Variants in RNGTT observed in about 807,000 individuals in gnomAD.
RNGTT encodes mRNA-capping enzyme.
A neutral mutation model predicts 79.3 loss-of-function variants in RNGTT; 33 were observed. That is an observed-to-expected ratio of 0.42 (90% CI 0.32 to 0.56). The LOEUF (loss-of-function observed/expected upper bound fraction) is 0.56, where lower values mean the gene tolerates loss of function less well. Among genes scored for constraint, RNGTT ranks in the 20% least tolerant of loss-of-function variants. The pLI is 0.17. For missense variants in RNGTT, 497 were observed against 739.1 expected, an observed-to-expected ratio of 0.67 and a Z score of 3.80; for synonymous variants, 222 against 235.9, an observed-to-expected ratio of 0.94 and a Z score of 0.54.
intron 11 of RNGTT, among the ~76,000 whole-genome samples, chr6:88,837,687 G>A (rs2127895006): frequency 6.6e-6 from 1 of 152,034 alleles, no homozygotes; most frequent in East Asian, 1.9e-4. Context: ...TATAATTCCT[G>A]AGATAAACAG....
intron 4 of RNGTT, among the ~76,000 whole-genome samples, chr6:88,914,270 C>G (rs1205801931): frequency 1.3e-5 from 2 of 151,730 alleles, no homozygotes; most frequent in Non-Finnish European, 2.9e-5. Context: ...TTTTCTTTCA[C>G]AGAAGAAAAA....
At chr6:88,944,126 A>C (rs1032730279) in intron 1 of RNGTT, among the ~76,000 whole-genome samples, 1 of 151,464 alleles carries the variant, frequency 6.6e-6, no homozygotes, top group Non-Finnish European at 1.5e-5. Flanking sequence ...GAAAAGAAAA[A>C]AACAAAAGAA....
chr6:88,823,789 A>G (rs754633091), intron 11 of RNGTT, among the ~76,000 whole-genome samples: 64 of 152,278 alleles, frequency 4.2e-4, no homozygotes, highest in Non-Finnish European at 1.8e-4. Flanking sequence ...TCTAAATAAA[A>G]TGTTGTTGGA....
chr6:88,719,903 G>C (rs539186930), intron 13 of RNGTT, among the ~76,000 whole-genome samples: 1 of 152,162 alleles, frequency 6.6e-6, no homozygotes, highest in Admixed American at 6.5e-5. Flanking sequence ...AAAGCCATTC[G>C]TGTTTAATGA....
intron 8 of RNGTT, among the ~76,000 whole-genome samples, chr6:88,867,402 G>C (rs1420594565): frequency 1.3e-5 from 2 of 152,178 alleles, no homozygotes; most frequent in East Asian, 1.9e-4. Flanking sequence ...AGAATCGCTT[G>C]AACCTGGGGG....
chr6:88,895,559 T>C (rs181658386), intron 6 of RNGTT, among the ~76,000 whole-genome samples: 64 of 152,220 alleles, frequency 4.2e-4, no homozygotes, highest in African/African-American at 1.5e-3. Flanking sequence ...CTTGAATACA[T>C]AGTTATATCA....
intron 13 of RNGTT, among the ~76,000 whole-genome samples, chr6:88,707,953 C>CA (rs1047457314): frequency 1.3e-5 from 2 of 151,450 alleles, no homozygotes; most frequent in East Asian, 2.0e-4. Flanking sequence ...TAAAAGAAAC[C>CA]AAAAAAATCA....
chr6:88,931,119 T>A (rs1784500444), intron 2 of RNGTT, among the ~76,000 whole-genome samples: 2 of 149,968 alleles, frequency 1.3e-5, no homozygotes, highest in South Asian at 4.2e-4. Context: ...TAAAAAAGAT[T>A]CAGATTTTAT....
intron 8 of RNGTT, among the ~76,000 whole-genome samples, chr6:88,855,721 G>C (rs1184025691): frequency 6.6e-6 from 1 of 152,110 alleles, no homozygotes; most frequent in Non-Finnish European, 1.5e-5. Context: ...AGTCTGGACT[G>C]ACTGTGTATC....
intron 4 of RNGTT, among the ~76,000 whole-genome samples, chr6:88,909,537 T>G (rs866413698): frequency 1.1e-4 from 16 of 152,064 alleles, no homozygotes; most frequent in Admixed American, 1.3e-4. Flanking sequence ...ACCCTTGGCT[T>G]GAATCATATC....
intron 12 of RNGTT, among the ~76,000 whole-genome samples, chr6:88,774,588 G>C (rs867030425): frequency 6.6e-6 from 1 of 152,104 alleles, no homozygotes; most frequent in East Asian, 1.9e-4. Flanking sequence ...CCATCAACAG[G>C]TGAGTAGATA....
At chr6:88,767,189 C>T (rs1009682130) in intron 13 of RNGTT, among the ~76,000 whole-genome samples, 1 of 152,008 alleles carries the variant, frequency 6.6e-6, no homozygotes. Flanking sequence ...ATGTAAATTG[C>T]ATATTCCTAT....
intron 13 of RNGTT, among the ~76,000 whole-genome samples, chr6:88,763,889 T>C (rs1778355254): frequency 1.3e-5 from 2 of 152,198 alleles, no homozygotes; most frequent in Admixed American, 1.3e-4. Flanking sequence ...CTCCAACTCA[T>C]TGACCAAGGA....
chr6:88,851,353 C>CT, intron 9 of RNGTT, among the ~76,000 whole-genome samples: 2 of 151,856 alleles, frequency 1.3e-5, no homozygotes, highest in Non-Finnish European at 2.9e-5. Context: ...AGGATATTTC[C>CT]TTTTAACATC....
intron 14 of RNGTT, among the ~76,000 whole-genome samples, chr6:88,673,372 TTCACAAG>T (rs1582311257): frequency 6.6e-6 from 1 of 152,220 alleles, no homozygotes; most frequent in African/African-American, 2.4e-5. Flanking sequence ...GTATTTCATA[TTCACAAG>T]TCAGGTACAA....
At chr6:88,945,450 A>G (rs1236454436) in intron 1 of RNGTT, among the ~76,000 whole-genome samples, 1 of 152,166 alleles carries the variant, frequency 6.6e-6, no homozygotes, top group African/African-American at 2.4e-5. Flanking sequence ...CCTGCCTTAC[A>G]TGACACCCAA....
At chr6:88,657,459 A>T (rs1774023322) in intron 14 of RNGTT, among the ~76,000 whole-genome samples, 1 of 152,210 alleles carries the variant, frequency 6.6e-6, no homozygotes, top group Admixed American at 6.5e-5. Flanking sequence ...ATTGGGAAGG[A>T]GCCACAGAGT....
At chr6:88,915,144 AG>A (rs145946081) in intron 4 of RNGTT, among the ~76,000 whole-genome samples, 6,243 of 152,294 alleles carry the variant, frequency 0.041, 188 homozygotes, top group African/African-American at 0.077. Flanking sequence ...TGCAGAGAAA[AG>A]GGAATGCTTA....
At chr6:88,801,523 A>AAC in intron 12 of RNGTT, 41 bp downstream of exon 12, 1 of 1,480,358 alleles carries the variant, frequency 6.8e-7, no homozygotes, top group South Asian at 1.2e-5. Context: ...CACACACACA[A>AAC]ACACACAAAC....
Sources: gnomAD v4.1 joint callset for allele counts (sites outside exome capture counted in the v4.1 genomes callset) on GRCh38, gnomAD v4.1.1 for gene constraint, MANE v1.5 for transcripts, NCBI Gene and HGNC (gene_info 2026-07-23, HGNC 2026-07-21) for gene names.